The following PICK1 variants were observed in gnomAD, a reference collection of about 807,000 sequenced individuals.
The protein encoded by PICK1 is PRKCA-binding protein.
In PICK1, 23 loss-of-function variants were observed where a neutral mutation model predicts 48.9. That is an observed-to-expected ratio of 0.47 (90% confidence interval 0.34 to 0.67). The LOEUF (loss-of-function observed/expected upper bound fraction) is 0.67, where lower values mean the gene tolerates loss of function less well. Ranked by LOEUF, PICK1 falls within the 30% of genes least tolerant of loss-of-function variation. PICK1 has a pLI of 0.01. For missense variants in PICK1, 423 were observed against 557.1 expected (o/e 0.76, Z 2.42); for synonymous variants, 217 against 228.2 (o/e 0.95, Z 0.44).
chr22:38,072,496 C>T lies in PICK1; in HGVS notation c.576C>T (p.Ser192=), dbSNP rs748645172. 45 of 1,613,420 alleles carry T rather than the reference C, an allele frequency of 2.8e-5. No homozygotes were observed. Among genetic ancestry groups the T allele is most frequent in the Non-Finnish European group, 3.4e-5 (40 of 1,180,036 alleles). ...CTGCAGCCTTTGGGGACGTGTTCTC[C>T]GTGATCGGGGTGCGGGAGCCCCAGC... ...QTHRAFGDVF[S]VIGVREPQPA... Residue 192 remains serine (S), a synonymous_variant, in exon 9 of 13, where the codon TCC becomes TCT. Transcript: ENST00000356976.
At position 38,070,713 on chromosome 22, in the gene PICK1, T is replaced by A. The variant is rs2085657566; in HGVS notation, c.440-125T>A. 1.5e-5 allele frequency: 12 copies of A among 814,886 alleles called. No individual in the cohort carries two copies. The South Asian group carries it at 1.7e-4, about 11-fold the overall frequency. The allele number at this position is 814,886 out of a possible 1,614,324, so 50.5% of individuals were successfully genotyped here. ...ACCCGAGCTGCCAAATCCCCCTCCC[T>A]GGGACCCCTGATCTTTCCCTTCCTG... On this transcript the variant is annotated intron_variant, in intron 6 of 12. Transcript: ENST00000356976.
At position 38,065,075 on chromosome 22, in the gene PICK1, G is replaced by C. The variant is rs1307843872; in HGVS notation, c.227G>C (p.Arg76Thr). 1 of 1,614,110 alleles carries C rather than the reference G, an allele frequency of 6.2e-7. No homozygotes were observed. Among genetic ancestry groups the C allele is most frequent in the East Asian group, 2.2e-5 (1 of 44,874 alleles). ...GATGAGATCACCGGTGTCAATGGCA[G>C]GTCAATCAAAGGGAAAACTAAGGTG... Reference protein sequence around the residue: ...AGDEITGVNGRSIKGKTKVEV... With the variant: ...AGDEITGVNGTSIKGKTKVEV... The change falls in exon 4 of 13, where the codon AGG (arginine) becomes ACG (threonine). Residue 76 changes from arginine (R) to threonine (T), a missense_variant. Physicochemically the swap from Arg to Thr is moderately conservative, Grantham distance 71 (BLOSUM62 -1). Coordinates refer to ENST00000356976, the MANE Select transcript of PICK1 (RefSeq NM_012407.4).
intron 8 of PICK1, 60 bp from the exon 9 acceptor site, chr22:38,072,417 C>T: frequency 1.9e-6 from 3 of 1,593,964 alleles, no homozygotes; most frequent in Non-Finnish European, 1.7e-6. Context: ...CCCCAACAAA[C>T]CCCTGGCTTC....
At chr22:38,064,425 G>A (rs998151747) in intron 3 of PICK1, among the ~76,000 whole-genome samples, 3 of 152,112 alleles carry the variant, frequency 2.0e-5, no homozygotes, top group Non-Finnish European at 4.4e-5. Context: ...TTGTTGAAAT[G>A]ACTGTCCTTC....
chr22:38,071,410 C>T (rs956484779), intron 7 of PICK1, among the ~76,000 whole-genome samples: 25 of 152,224 alleles, frequency 1.6e-4, no homozygotes, highest in African/African-American at 5.8e-4. Flanking sequence ...GCGAGAGTCC[C>T]CCGGAATCCC....
In PICK1 at chr22:38,074,845, C is replaced by T. The variant is rs368196509; in HGVS notation, c.980-19C>T. On this transcript the variant is annotated intron_variant, in intron 12 of 12. Transcript: ENST00000356976. The surrounding 1 kb of genome is among the most constrained non-coding windows in gnomAD (Gnocchi z 4.5). ...CAGCCAGAGCCCACTGCAGCCTGTC[C>T]CCCGACCTCCCACCCCAGTCCAGGA... 1.9e-6 allele frequency: 3 copies of T among 1,608,348 alleles called. No individual in the cohort carries two copies. The highest frequency in any genetic ancestry group is 2.2e-5 in the East Asian group (1 of 44,884).
intron 3 of PICK1, among the ~76,000 whole-genome samples, chr22:38,059,647 G>A (rs2085352106): frequency 6.6e-6 from 1 of 152,186 alleles, no homozygotes; most frequent in African/African-American, 2.4e-5. Context: ...CAGGTACAGT[G>A]CCTGGCACAT....
chr22:38,068,712 G>A (rs967266731), intron 5 of PICK1, among the ~76,000 whole-genome samples: 25 of 152,328 alleles, frequency 1.6e-4, no homozygotes, highest in Non-Finnish European at 7.4e-5. Flanking sequence ...CACAGAGGAG[G>A]GGAAGAGGCC....
At position 38,072,991 on chromosome 22, in the gene PICK1, C is replaced by T. The variant is rs757825374; in HGVS notation, c.691-9C>T. On this transcript the variant is annotated splice_polypyrimidine_tract_variant and intron_variant, in intron 9 of 12. Transcript: ENST00000356976. ...GTGACAGCCTCAGCATCCACCCACC[C>T]TCTTCCAGATGCTGACGGATCTGAA... is the stretch of plus-strand genomic sequence containing the variant. 1.2e-6 allele frequency: 2 copies of T among 1,600,040 alleles called. No individual in the cohort carries two copies. The highest frequency in any genetic ancestry group is 1.7e-6 in the Non-Finnish European group (2 of 1,167,322).
chr22:38,074,345 C>A lies in PICK1; in HGVS notation c.873C>A (p.Asn291Lys), dbSNP rs1346394372. 6.2e-7 allele frequency: 1 copy of A among 1,612,992 alleles called. No individual in the cohort carries two copies. Among genetic ancestry groups the A allele is most frequent in the Non-Finnish European group, 8.5e-7 (1 of 1,179,954 alleles). ...CCCTTTACCGGGTGAGCACCGGCAA[C>A]TATGAGTACCGCCTGATCCTGCGCT... ...GEPLYRVSTG[N>K]YEYRLILRCR... Residue 291 changes from asparagine to lysine, a missense_variant, in exon 12 of 13, where the codon AAC becomes AAA. Around this residue, in one of 2 missense-constraint regions of PICK1, gnomAD observed 279 missense variants for 417.8 expected, o/e 0.67. Transcript: ENST00000356976. The surrounding 1 kb of genome is among the most constrained non-coding windows in gnomAD (Gnocchi z 4.5).
In PICK1 at chr22:38,057,403, TG is replaced by T. The variant is rs1238310451; in HGVS notation, c.-241del. 1.3e-5 allele frequency: 3 copies of T among 229,530 alleles called. No individual in the cohort carries two copies. The highest frequency in any genetic ancestry group is 2.2e-5 in the African/African-American group (1 of 44,536). 14.2% of individuals were successfully genotyped at this position (229,530 alleles called of 1,614,324 possible). ...CTTCCGCGTCTTGCCGGAAGTGACG[TG>T]ACAATCGCGGCCACCGCCAGGTGGA... On this transcript the variant is annotated 5_prime_UTR_variant, in exon 1 of 13. Coordinates refer to ENST00000356976, the MANE Select transcript of PICK1 (RefSeq NM_012407.4).
At position 38,075,269 on chromosome 22, in the gene PICK1, C is replaced by T. The variant is rs2085814244; in HGVS notation, c.*137C>T. On this transcript the variant is annotated 3_prime_UTR_variant, in exon 13 of 13. Transcript: ENST00000356976. ...GCCTGCCTCCCTGCTCCTCTGTCCT[C>T]GCACAGCGAACCTGGGCTCCTGCCC... The T allele has an allele frequency of 4.8e-6, 4 of 838,970 alleles. No individual in the cohort carries two copies. The highest frequency in any genetic ancestry group is 7.2e-6 in the Non-Finnish European group (4 of 554,626). 52.0% of individuals were successfully genotyped at this position (838,970 alleles called of 1,614,324 possible). A position where few individuals can be genotyped will look rare whatever the true frequency, so the allele number is the denominator to read the frequency against.
chr22:38,066,809 A>T lies in PICK1; in HGVS notation c.283-895A>T, dbSNP rs1461027627. 6.6e-6 allele frequency among the ~76,000 whole-genome samples: 1 copy of T among 152,194 alleles called. No individual in the cohort carries two copies. The highest frequency in any genetic ancestry group is 1.9e-4 in the East Asian group (1 of 5,198). On this transcript the variant is annotated intron_variant, in intron 4 of 12. Transcript: ENST00000356976. This position sits in a 1 kb window ranked among gnomAD's most constrained non-coding sequence, Gnocchi z 4.1. ...GTTCAAGGGCTTTTGGTTTGCAAGG[A>T]TGAGAGTGAACACAGCGCCCTCCCG... is the stretch of plus-strand genomic sequence containing the variant.
intron 4 of PICK1, 190 bp from the exon 5 acceptor site, chr22:38,067,514 G>C: frequency 1.7e-6 from 1 of 598,672 alleles, no homozygotes; most frequent in African/African-American, 1.8e-5. Context: ...TTGCCATGTT[G>C]CCCAAGCTGG....
Position 38,066,338 on chromosome 22 carries a change from C to T in PICK1, c.282+1208C>T, listed in dbSNP as rs1486881846. 6.6e-6 allele frequency among the ~76,000 whole-genome samples: 1 copy of T among 152,202 alleles called. No individual in the cohort carries two copies. Among genetic ancestry groups the T allele is most frequent in the Non-Finnish European group, 1.5e-5 (1 of 68,036 alleles). On this transcript the variant is annotated intron_variant, in intron 4 of 12. Transcript: ENST00000356976. The surrounding 1 kb of genome is among the most constrained non-coding windows in gnomAD (Gnocchi z 4.1). ...TGTGTGCCCCATTTGGCAGCCCTTC[C>T]CCCCTCCGCATCTCCTCCCCATCTC...
At chr22:38,059,510 C>T (rs961737637) in intron 3 of PICK1, among the ~76,000 whole-genome samples, 165 bp downstream of exon 3, 2 of 152,232 alleles carry the variant, frequency 1.3e-5, no homozygotes, top group South Asian at 4.1e-4. Context: ...GCCCTGTCTT[C>T]TCCCCTGTGT....
intron 6 of PICK1, among the ~76,000 whole-genome samples, chr22:38,070,302 T>A (rs1246922109): frequency 6.6e-6 from 1 of 152,264 alleles, no homozygotes; most frequent in Non-Finnish European, 1.5e-5. Context: ...TGCTGGGCTT[T>A]CAGCCTTGAG....
chr22:38,074,073 T>C lies in PICK1; in HGVS notation c.835-234T>C, dbSNP rs1332314681. The C allele has an allele frequency of 9.5e-6, 6 of 629,904 alleles. No homozygotes were observed. The highest frequency in any genetic ancestry group is 1.7e-5 in the Non-Finnish European group (6 of 361,466). The allele number at this position is 629,904 out of a possible 1,614,324, so 39.0% of individuals were successfully genotyped here. The stretch of plus-strand genomic sequence containing the variant: ...TTTTCTTCACTCCTATGAGGCGCTT[T>C]TAAGTGTTTGATTTTTCTGCTGTCG... On this transcript the variant is annotated intron_variant, in intron 11 of 12. Coordinates refer to ENST00000356976, the MANE Select transcript of PICK1 (RefSeq NM_012407.4). The surrounding 1 kb of genome is among the most constrained non-coding windows in gnomAD (Gnocchi z 4.5).
At chr22:38,072,928 A>G (rs971603426) in intron 9 of PICK1, 72 bp from the exon 10 acceptor site, 3 of 990,214 alleles carry the variant, frequency 3.0e-6, no homozygotes, top group Admixed American at 1.7e-5. Context: ...AGGGTGACGC[A>G]TCAGTGCCAT....
Sources: gnomAD v4.1 joint callset for allele counts (sites outside exome capture counted in the v4.1 genomes callset) on GRCh38, gnomAD v4.1.1 for gene constraint, gnomAD v4.1.1 regional missense constraint, Gnocchi (gnomAD v3.1) non-coding constraint, MANE v1.5 for transcripts, NCBI Gene and HGNC (gene_info 2026-07-23, HGNC 2026-07-21) for gene names.